The following AHNAK variants were observed in gnomAD, a reference collection of about 807,000 sequenced individuals.
AHNAK encodes AHNAK nucleoprotein, also known as neuroblast differentiation-associated protein AHNAK.
A neutral mutation model predicts 37.8 loss-of-function variants in AHNAK; 23 were observed. The ratio of observed to expected loss-of-function variants is 0.61; its 90% CI spans 0.44 to 0.86. The LOEUF is 0.86. AHNAK is among the 40% of genes least tolerant of loss of function. The probability of loss-of-function intolerance (pLI) is 0.00; values close to 1 mark genes in which losing one functional copy is unlikely to be tolerated. For synonymous variants in AHNAK, 2,481 were observed against 2,636.3 expected (o/e 0.94, Z 1.80); for missense variants, 7,411 against 7,319.4 (o/e 1.01, Z -0.46).
chr11:62,438,469 C>T (rs754026726), intron 5 of AHNAK, among the ~76,000 whole-genome samples: 22 of 152,194 alleles, frequency 1.4e-4, no homozygotes, highest in Non-Finnish European at 2.8e-4. Flanking sequence ...CATGAGCCAT[C>T]GCACCTGGCC....
chr11:62,454,262 A>C (rs1485723395), intron 5 of AHNAK, among the ~76,000 whole-genome samples: 4 of 150,520 alleles, frequency 2.7e-5, no homozygotes, highest in Non-Finnish European at 1.5e-5. Flanking sequence ...AAATACAAAA[A>C]ATTAGCCGGG....
At position 62,517,036 on chromosome 11, in the gene AHNAK, G is replaced by C. The variant is rs1189375866; in HGVS notation, c.17381C>G (p.Thr5794Ser). ...TTCAAACTCCAGCGTCCCCGTCGGG[G>C]TGGAAGGTCCAGAGAACTCTCTTTC... ...SDEREFSGPS[T>S]PTGTLEFEGG... Residue 5794 changes from threonine (T) to serine (S), a missense_variant, in exon 5 of 5, where the codon ACC (threonine) becomes AGC (serine). Transcript: ENST00000378024. The C allele has an allele frequency of 1.2e-6, 2 of 1,614,066 alleles. No individual in the cohort carries two copies. The highest frequency in any genetic ancestry group is 1.3e-5 in the African/African-American group (1 of 74,930).
rs750228131 is a variant in AHNAK, at chr11:62,530,738, G to T, written c.3679C>A (p.Pro1227Thr). 26 of 1,613,582 alleles carry T rather than the reference G, an allele frequency of 1.6e-5. No homozygotes were observed. In the Admixed American group the frequency reaches 1.8e-4, roughly 11 times the overall value. The change falls in exon 5 of 5, where the codon CCA (proline) becomes ACA (threonine). Residue 1227 changes from proline to threonine, a missense_variant. Pro to Thr is a conservative substitution (Grantham distance 38). Transcript: ENST00000378024. ...TTGGGTCCTTTGATTTCAACATCTG[G>T]CACTTTCATTTCACCTTCTACCTTG... ...VPKVEGEMKV[P>T]DVEIKGPKMD... is the part of the protein sequence containing the mutation.
Position 62,521,645 on chromosome 11 carries a change from A to G in AHNAK, c.12772T>C (p.Ser4258Pro), listed in dbSNP as rs750857315. The G allele has an allele frequency of 6.2e-7, 1 of 1,613,640 alleles. No individual in the cohort carries two copies. The highest frequency in any genetic ancestry group is 1.1e-5 in the South Asian group (1 of 91,060). ...PEMNIKAPKI[S>P]MPDFDLHLKG... The stretch of plus-strand genomic sequence containing the variant: ...AGATGCAAATCAAAGTCAGGCATGG[A>G]GATCTTGGGGGCTTTGATGTTCATC... Residue 4258 changes from serine to proline, a missense_variant, in exon 5 of 5, where the codon TCC becomes CCC. Coordinates refer to ENST00000378024, the MANE Select transcript of AHNAK (RefSeq NM_001620.3).
intron 1 of AHNAK, among the ~76,000 whole-genome samples, chr11:62,543,104 C>A (rs1426375915): frequency 6.6e-6 from 1 of 152,168 alleles, no homozygotes; most frequent in African/African-American, 2.4e-5. Flanking sequence ...GGGGACCGGG[C>A]AGGATGCCCC....
At position 62,530,233 on chromosome 11, in the gene AHNAK, A is replaced by T; in HGVS notation, c.4184T>A (p.Phe1395Tyr). 6.2e-7 allele frequency: 1 copy of T among 1,611,090 alleles called. No individual in the cohort carries two copies. Among genetic ancestry groups the T allele is most frequent in the South Asian group, 1.1e-5 (1 of 90,950 alleles). The change falls in exon 5 of 5, where the codon TTC becomes TAC. Residue 1395 changes from phenylalanine (F) to tyrosine (Y), a missense_variant. By Grantham distance (22) the Phe-to-Tyr change is conservative. Transcript: ENST00000378024. ...ATCCACTTCAGGGCCCTCTCCTTTGAAGCCGGGCATGCTGAACTTGGGCAT... is the reference window on the plus strand; with the variant it reads ...ATCCACTTCAGGGCCCTCTCCTTTGTAGCCGGGCATGCTGAACTTGGGCAT... ...VKMPKFSMPG[F>Y]KGEGPEVDVK...
In AHNAK at chr11:62,508,271, C is replaced by CT. The variant is rs538379108; in HGVS notation, c.343-16441dup. ...CATCACAGGGAAGAAAAAAAAAATT[C>CT]TTTTTTTAATCAGAAAGCTTGGATC... On this transcript the variant is annotated intron_variant, in intron 4 of 5. Transcript: ENST00000257247. Among the ~76,000 whole-genome samples the CT allele has an allele frequency of 2.0e-3, 303 of 152,204 alleles. 2 individuals carry two copies. Among genetic ancestry groups the CT allele is most frequent in the African/African-American group, 7.0e-3 (291 of 41,538 alleles).
chr11:62,487,363 C>G (rs1939414058), intron 5 of AHNAK, among the ~76,000 whole-genome samples: 1 of 152,258 alleles, frequency 6.6e-6, no homozygotes. Context: ...AGTCCAGTTT[C>G]TGAGCAGAGC....
intron 5 of AHNAK, among the ~76,000 whole-genome samples, chr11:62,491,139 TG>T (rs1723800580): frequency 6.6e-6 from 1 of 152,140 alleles, no homozygotes; most frequent in Non-Finnish European, 1.5e-5. Flanking sequence ...AGTTTCATTT[TG>T]GTACAGGCCA....
intron 5 of AHNAK, among the ~76,000 whole-genome samples, chr11:62,474,991 G>A (rs1338937761): frequency 1.3e-5 from 2 of 152,220 alleles, no homozygotes; most frequent in African/African-American, 4.8e-5. Context: ...AGGTGCAGAG[G>A]GTCATCAGGG....
At position 62,520,317 on chromosome 11, in the gene AHNAK, T is replaced by C; in HGVS notation, c.14100A>G (p.Pro4700=). 1.2e-6 allele frequency: 2 copies of C among 1,613,516 alleles called. No homozygotes were observed. Among genetic ancestry groups the C allele is most frequent in the Non-Finnish European group, 1.7e-6 (2 of 1,179,904 alleles). ...ACTTGGGGCCCTTTAGTTTCGCATCTGGACCTTCGATATTCACATCAGGAA... is the reference window on the plus strand; with the variant it reads ...ACTTGGGGCCCTTTAGTTTCGCATCCGGACCTTCGATATTCACATCAGGAA... ...VDVPDVNIEG[P]DAKLKGPKFK... Residue 4700 remains proline (P), a synonymous_variant, in exon 5 of 5, where the codon CCA becomes CCG. Transcript: ENST00000378024.
intron 5 of AHNAK, among the ~76,000 whole-genome samples, chr11:62,443,472 A>G (rs1167231614): frequency 2.6e-5 from 4 of 151,072 alleles, no homozygotes; most frequent in Admixed American, 6.6e-5. Flanking sequence ...GGGTTTCTCC[A>G]TGTTGGTCAG....
At chr11:62,455,874 A>T (rs1441356133) in intron 5 of AHNAK, among the ~76,000 whole-genome samples, 2 of 150,254 alleles carry the variant, frequency 1.3e-5, no homozygotes, top group Non-Finnish European at 3.0e-5. Flanking sequence ...CCCAAAAAAA[A>T]AAAAACTATA....
rs1384558508 is a variant in AHNAK, at chr11:62,528,507, T to C, written c.5910A>G (p.Ala1970=). Residue 1970 remains alanine (A), a synonymous_variant, in exon 5 of 5, where the codon GCA becomes GCG. Transcript: ENST00000378024. ...TCTTAAACTTGGGCCCTTTCAACTT[T>C]GCATCAGGACACTCCAGCTCAACAT... ...VPDVELECPD[A]KLKGPKFKMP... 1 of 1,612,116 alleles carries C rather than the reference T, an allele frequency of 6.2e-7. No homozygotes were observed. Among genetic ancestry groups the C allele is most frequent in the Admixed American group, 1.7e-5 (1 of 59,710 alleles).
intron 5 of AHNAK, among the ~76,000 whole-genome samples, chr11:62,435,472 G>A (rs1222192255): frequency 1.2e-4 from 18 of 151,836 alleles, no homozygotes; most frequent in African/African-American, 3.4e-4. Context: ...ATGCAGTGGC[G>A]CGATCTTGGC....
chr11:62,519,145 G>A lies in AHNAK; in HGVS notation c.15272C>T (p.Pro5091Leu), dbSNP rs907626248. The change falls in exon 5 of 5, where the codon CCA becomes CTA. Residue 5091 changes from proline (P) to leucine (L), a missense_variant. By Grantham distance (98) the Pro-to-Leu change is moderately conservative. Transcript: ENST00000378024. ...KKTMFGKMYF[P>L]DVEFDIKSPK... ...TGATTTAATGTCAAACTCTACATCTGGGAAGTACATTTTTCCAAACATCGT... is the reference window on the plus strand; with the variant it reads ...TGATTTAATGTCAAACTCTACATCTAGGAAGTACATTTTTCCAAACATCGT... The A allele has an allele frequency of 6.2e-7, 1 of 1,613,710 alleles. No homozygotes were observed. Among genetic ancestry groups the A allele is most frequent in the Non-Finnish European group, 8.5e-7 (1 of 1,179,944 alleles).
Position 62,526,743 on chromosome 11 carries a change from T to C in AHNAK, c.7674A>G (p.Pro2558=), listed in dbSNP as rs1048799258. 8.7e-6 allele frequency: 14 copies of C among 1,613,898 alleles called. No individual in the cohort carries two copies. Among genetic ancestry groups the C allele is most frequent in the Non-Finnish European group, 1.2e-5 (14 of 1,180,018 alleles). ...IEGPDVNIEG[P]EGKLKGPKLK... is the part of the protein sequence containing the mutation. ...ACTTAGGCCCTTTCAACTTTCCCTC[T>C]GGTCCTTCAATATTAACATCAGGGC... Residue 2558 remains proline (P), a synonymous_variant, in exon 5 of 5, where the codon CCA becomes CCG. Coordinates refer to ENST00000378024, the MANE Select transcript of AHNAK (RefSeq NM_001620.3).
chr11:62,470,459 A>T (rs573157176), intron 5 of AHNAK, among the ~76,000 whole-genome samples: 15 of 151,508 alleles, frequency 9.9e-5, no homozygotes, highest in African/African-American at 2.9e-4. Context: ...AAAAAAAATT[A>T]GCTGGGCGTG....
rs755846926 is a variant in AHNAK at position 62,518,004 on chromosome 11, G to A, written c.16413C>T (p.Ile5471=). 1 of 1,614,160 alleles carries A rather than the reference G, an allele frequency of 6.2e-7. No homozygotes were observed. Among genetic ancestry groups the A allele is most frequent in the South Asian group, 1.1e-5 (1 of 91,078 alleles). The part of the protein sequence containing the change: ...VKGSLGATGE[I]KGPTVGGGLP... ...GACCTCCTCCGACAGTGGGGCCTTT[G>A]ATCTCACCAGTGGCCCCAAGGCTCC... Residue 5471 remains isoleucine, a synonymous_variant, in exon 5 of 5, where the codon ATC becomes ATT. Coordinates refer to ENST00000378024, the MANE Select transcript of AHNAK (RefSeq NM_001620.3).
Sources: gnomAD v4.1 joint callset for allele counts (sites outside exome capture counted in the v4.1 genomes callset) on GRCh38, gnomAD v4.1.1 for gene constraint, MANE v1.5 for transcripts, NCBI Gene and HGNC (gene_info 2026-07-23, HGNC 2026-07-21) for gene names.